DIP2C: variants seen among roughly 807,000 people sequenced by gnomAD.
DIP2C encodes DIP2 acetate--CoA ligase C (putative).
Under a neutral mutation model 192.4 loss-of-function variants are expected in DIP2C, and 33 were observed. That is an observed-to-expected ratio of 0.17 (90% confidence interval 0.13 to 0.23). The LOEUF (loss-of-function observed/expected upper bound fraction) is 0.23, where lower values mean the gene tolerates loss of function less well. Among genes scored for constraint, DIP2C ranks in the 10% least tolerant of loss-of-function variants. DIP2C has a pLI of 1.00. For missense variants in DIP2C, 1,537 were observed against 2,110.1 expected (o/e 0.73, Z 5.32); for synonymous variants, 979 against 864.1 (o/e 1.13, Z -2.33).
chr10:311,365 G>C (rs1364137159), intron 31 of DIP2C, among the ~76,000 whole-genome samples: 1 of 152,228 alleles, frequency 6.6e-6, no homozygotes. Context: ...CGTCGGCTAC[G>C]CGTGAGGCCT....
intron 1 of DIP2C, among the ~76,000 whole-genome samples, chr10:649,274 G>A (rs371635368): frequency 6.2e-5 from 9 of 146,090 alleles, no homozygotes; most frequent in Admixed American, 3.4e-4. Context: ...CTGAGTCCAC[G>A]TCAACATTTG....
At chr10:615,932 CCA>C (rs1051667096) in intron 1 of DIP2C, among the ~76,000 whole-genome samples, 36 of 152,294 alleles carry the variant, frequency 2.4e-4, no homozygotes, top group Middle Eastern at 6.8e-3. Flanking sequence ...TAGGGAGGCT[CCA>C]CAGATACAGC....
At chr10:492,493 T>C (rs1232227567) in intron 1 of DIP2C, among the ~76,000 whole-genome samples, 1 of 152,214 alleles carries the variant, frequency 6.6e-6, no homozygotes, top group African/African-American at 2.4e-5. Context: ...ACATAAAGCC[T>C]GCACTAGGAT....
chr10:385,931 G>A (rs117704764), intron 14 of DIP2C, among the ~76,000 whole-genome samples: 2 of 152,176 alleles, frequency 1.3e-5, no homozygotes, highest in African/African-American at 2.4e-5. Context: ...GGAGGTAAGG[G>A]TGTCTCAAAA....
intron 10 of DIP2C, 92 bp downstream of exon 10, chr10:399,017 A>C (rs1409356032): frequency 9.0e-7 from 1 of 1,113,742 alleles, no homozygotes; most frequent in Non-Finnish European, 1.3e-6. Flanking sequence ...AGGGCCCCAG[A>C]AACAGCGAGG....
At chr10:611,351 A>G (rs1853086154) in intron 1 of DIP2C, among the ~76,000 whole-genome samples, 1 of 152,192 alleles carries the variant, frequency 6.6e-6, no homozygotes, top group South Asian at 2.1e-4. Context: ...AGCCTCAGGT[A>G]GTTCTTTATA....
intron 1 of DIP2C, among the ~76,000 whole-genome samples, chr10:601,244 G>A (rs1225410639): frequency 6.6e-6 from 1 of 152,094 alleles, no homozygotes; most frequent in Non-Finnish European, 1.5e-5. Flanking sequence ...CCACTCCAAA[G>A]GTTCAGTAAA....
At chr10:561,657 G>T (rs1190914028) in intron 1 of DIP2C, among the ~76,000 whole-genome samples, 2 of 152,052 alleles carry the variant, frequency 1.3e-5, no homozygotes, top group Admixed American at 6.6e-5. Context: ...TTCAAGTCAG[G>T]CTTGAAGGCC....
chr10:591,850 C>T (rs570038882), intron 1 of DIP2C, among the ~76,000 whole-genome samples: 4 of 152,326 alleles, frequency 2.6e-5, no homozygotes, highest in Admixed American at 2.6e-4. Context: ...AGACGTCCCA[C>T]AGTGCAGGCA....
At position 475,429 on chromosome 10, in the gene DIP2C, T is replaced by C. The variant is rs1970981173; in HGVS notation, c.158-2880A>G. Among the ~76,000 whole-genome samples, 5 of 152,274 alleles carry C rather than the reference T, an allele frequency of 3.3e-5. No individual in the cohort carries two copies. The South Asian group carries it at 1.0e-3, about 32-fold the overall frequency. On this transcript the variant is annotated intron_variant, in intron 2 of 36. Coordinates refer to ENST00000280886, the MANE Select transcript of DIP2C (RefSeq NM_014974.3). ...GACGTTTTTAATGTTTCACCTTCAATCTCAGTACCACACCTATCTGGTCCA... is the reference window on the plus strand; with the variant it reads ...GACGTTTTTAATGTTTCACCTTCAACCTCAGTACCACACCTATCTGGTCCA...
At chr10:381,648 G>A (rs1962385353) in intron 17 of DIP2C, among the ~76,000 whole-genome samples, 1 of 152,188 alleles carries the variant, frequency 6.6e-6, no homozygotes, top group South Asian at 2.1e-4. Context: ...GACACGTCCT[G>A]CTCTTGTTAT....
chr10:372,736 G>A (rs11251963), intron 17 of DIP2C, among the ~76,000 whole-genome samples: 53,288 of 149,772 alleles, frequency 0.36, 10,976 homozygotes, highest in Non-Finnish European at 0.48. Flanking sequence ...ACACACAGGC[G>A]GGCACAGAAG....
At chr10:507,214 T>C (rs1301559348) in intron 1 of DIP2C, among the ~76,000 whole-genome samples, 1 of 150,756 alleles carries the variant, frequency 6.6e-6, no homozygotes, top group Non-Finnish European at 1.5e-5. Flanking sequence ...GTTAGGGACC[T>C]GGTCACCCGC....
intron 1 of DIP2C, among the ~76,000 whole-genome samples, chr10:558,135 T>C (rs1294189095): frequency 2.6e-5 from 4 of 152,180 alleles, no homozygotes; most frequent in African/African-American, 7.2e-5. Flanking sequence ...AGATAACGCA[T>C]TGTCTTACCA....
chr10:492,310 C>CA (rs1844505662), intron 1 of DIP2C, among the ~76,000 whole-genome samples: 1 of 152,202 alleles, frequency 6.6e-6, no homozygotes, highest in Non-Finnish European at 1.5e-5. Flanking sequence ...ACAGGGCCTC[C>CA]AAGTCCTTCC....
intron 1 of DIP2C, among the ~76,000 whole-genome samples, chr10:653,437 G>A (rs1264634146): frequency 6.6e-6 from 1 of 152,170 alleles, no homozygotes; most frequent in East Asian, 1.9e-4. Context: ...GACAGAGCGA[G>A]ACTCTTGTTT....
intron 3 of DIP2C, among the ~76,000 whole-genome samples, chr10:467,271 T>C (rs1970279321): frequency 6.6e-6 from 1 of 151,724 alleles, no homozygotes; most frequent in African/African-American, 2.4e-5. Context: ...CTCAGTAAAC[T>C]ATCGCAAAAA....
chr10:419,525 G>T (rs914280190), intron 5 of DIP2C, among the ~76,000 whole-genome samples: 15 of 152,206 alleles, frequency 9.9e-5, no homozygotes, highest in Admixed American at 6.5e-4. Flanking sequence ...GTTCACGGAG[G>T]GGTCCTGTTT....
intron 17 of DIP2C, among the ~76,000 whole-genome samples, chr10:378,260 G>T (rs12246970): frequency 1.3e-5 from 2 of 152,170 alleles, no homozygotes; most frequent in Non-Finnish European, 2.9e-5. Context: ...TACAGTTCAC[G>T]TAGCAAGACT....
Sources: allele counts gnomAD v4.1 joint callset (sites outside exome capture counted in the v4.1 genomes callset), GRCh38; gene constraint gnomAD v4.1.1; transcripts MANE v1.5; gene names NCBI Gene and HGNC (gene_info 2026-07-23, HGNC 2026-07-21).